The following TMEM170A variants were observed in gnomAD, a reference collection of about 807,000 sequenced individuals.
The protein encoded by TMEM170A is transmembrane protein 170.
TMEM170A carries 18 observed loss-of-function variants against 12.8 expected under a neutral mutation model. The observed-to-expected ratio is 1.41, with a 90% CI of 0.97 to 2.09. The LOEUF (loss-of-function observed/expected upper bound fraction) is 2.09. Among genes scored for constraint, TMEM170A ranks in the 30% most tolerant of loss-of-function variants. TMEM170A has a pLI of 0.00. For missense variants in TMEM170A, 220 were observed against 179.9 expected (o/e 1.22, Z -1.28); for synonymous variants, 107 against 76.2 (o/e 1.40, Z -2.11).
Position 75,447,450 on chromosome 16 carries a change from T to C in TMEM170A, c.*108A>G. 4.0e-6 allele frequency: 5 copies of C among 1,261,568 alleles called. No homozygotes were observed. Among genetic ancestry groups the C allele is most frequent in the East Asian group, 2.6e-5 (1 of 38,004 alleles). 78.1% of individuals were successfully genotyped at this position (1,261,568 alleles called of 1,614,324 possible). On this transcript the variant is annotated 3_prime_UTR_variant, in exon 3 of 3. Coordinates refer to ENST00000561878, the MANE Select transcript of TMEM170A (RefSeq NM_145254.3). ...GTGTTGTCCTTCATGTTCCTGTTCA[T>C]CCAAGTTGCTTCCCTTTGAAGAACT...
At chr16:75,463,018 G>C (rs1233766526) in intron 1 of TMEM170A, among the ~76,000 whole-genome samples, 1 of 152,170 alleles carries the variant, frequency 6.6e-6, no homozygotes, top group Non-Finnish European at 1.5e-5. Flanking sequence ...ATCTAAGTGT[G>C]ATACGTATGT....
In TMEM170A at chr16:75,445,699, CTTTTTTT is replaced by C. The variant is rs80104828; in HGVS notation, c.*1852_*1858del. The C allele has an allele frequency of 7.1e-6, 1 of 140,538 alleles. No individual in the cohort carries two copies. Among genetic ancestry groups the C allele is most frequent in the Non-Finnish European group, 1.6e-5 (1 of 64,160 alleles). The allele number at this position is 140,538 out of a possible 1,614,324, so 8.7% of individuals were successfully genotyped here. ...GCAAATTGGTCCTCCTGACTTTTTT[CTTTTTTT>C]TTTTTTTCCAAATTGGGCAGACTCC... On this transcript the variant is annotated 3_prime_UTR_variant, in exon 3 of 3. Coordinates refer to ENST00000561878, the MANE Select transcript of TMEM170A (RefSeq NM_145254.3).
intron 1 of TMEM170A, among the ~76,000 whole-genome samples, chr16:75,463,152 T>C (rs1383223763): frequency 6.6e-6 from 1 of 152,218 alleles, no homozygotes; most frequent in Non-Finnish European, 1.5e-5. Flanking sequence ...TTTGTTATAC[T>C]GTTCTCTCAA....
At chr16:75,460,596 T>C (rs747886301) in intron 1 of TMEM170A, among the ~76,000 whole-genome samples, 2 of 152,108 alleles carry the variant, frequency 1.3e-5, no homozygotes, top group Non-Finnish European at 2.9e-5. Flanking sequence ...GGCCTCCCCA[T>C]CACTTTACAG....
At chr16:75,449,582 G>C (rs183062205) in intron 2 of TMEM170A, among the ~76,000 whole-genome samples, 3 of 152,298 alleles carry the variant, frequency 2.0e-5, no homozygotes, top group Admixed American at 2.0e-4. Flanking sequence ...GCTTCCCAAA[G>C]TGCTGGGATT....
intron 1 of TMEM170A, among the ~76,000 whole-genome samples, chr16:75,463,493 G>A (rs2079942603): frequency 6.6e-6 from 1 of 152,150 alleles, no homozygotes; most frequent in African/African-American, 2.4e-5. Flanking sequence ...CCGCTGAACG[G>A]CGCCTGGCAG....
chr16:75,454,442 C>A (rs1284064855), intron 1 of TMEM170A, among the ~76,000 whole-genome samples: 1 of 138,088 alleles, frequency 7.2e-6, no homozygotes, highest in Non-Finnish European at 1.6e-5. Context: ...CATAGTGAAA[C>A]CCTGTCTCTC....
At chr16:75,448,944 CT>C (rs2079633071) in intron 2 of TMEM170A, among the ~76,000 whole-genome samples, 1 of 151,728 alleles carries the variant, frequency 6.6e-6, no homozygotes, top group Admixed American at 6.6e-5. Flanking sequence ...GCCTGTAATC[CT>C]AGTTGCTTGG....
At position 75,445,739 on chromosome 16, in the gene TMEM170A, C is replaced by G. The variant is rs1345550851; in HGVS notation, c.*1819G>C. The stretch of plus-strand genomic sequence containing the variant: ...CCAAATTGGGCAGACTCCAGAATCA[C>G]AGTAGATTCAGAGACTCTCCTCCTG... On this transcript the variant is annotated 3_prime_UTR_variant, in exon 3 of 3. Coordinates refer to ENST00000561878, the MANE Select transcript of TMEM170A (RefSeq NM_145254.3). The G allele has an allele frequency of 6.6e-6, 1 of 151,060 alleles. No individual in the cohort carries two copies. Among genetic ancestry groups the G allele is most frequent in the East Asian group, 1.9e-4 (1 of 5,166 alleles). The allele number at this position is 151,060 out of a possible 1,614,324, so 9.4% of individuals were successfully genotyped here.
intron 2 of TMEM170A, 121 bp downstream of exon 2, chr16:75,451,548 T>C (rs2079681477): frequency 1.9e-6 from 2 of 1,045,786 alleles, no homozygotes; most frequent in Non-Finnish European, 2.8e-6. Flanking sequence ...AGACCCTGTC[T>C]GGACTTGCAG....
chr16:75,458,746 T>C (rs959896072), intron 1 of TMEM170A: 1 of 152,212 alleles, frequency 6.6e-6, no homozygotes, highest in East Asian at 1.9e-4. Context: ...ATAGCAGTCA[T>C]AAAAACACTA....
chr16:75,447,805 T>G (rs1040143028), intron 2 of TMEM170A, 117 bp from the exon 3 acceptor site: 2 of 1,194,304 alleles, frequency 1.7e-6, no homozygotes, highest in African/African-American at 3.1e-5. Context: ...TATACTGAAA[T>G]TTAAATCTTA....
At chr16:75,455,119 A>C (rs2079765834) in intron 1 of TMEM170A, among the ~76,000 whole-genome samples, 1 of 152,158 alleles carries the variant, frequency 6.6e-6, no homozygotes, top group African/African-American at 2.4e-5. Flanking sequence ...GCACTCTGGG[A>C]GGCTGAGGCA....
rs1015039630 is a variant in TMEM170A, at chr16:75,444,659, G to C, written c.*2899C>G. 8 of 151,970 alleles carry C rather than the reference G, an allele frequency of 5.3e-5. No homozygotes were observed. Among genetic ancestry groups the C allele is most frequent in the Admixed American group, 2.0e-4 (3 of 15,234 alleles). 9.4% of individuals were successfully genotyped at this position (151,970 alleles called of 1,614,324 possible). ...AAAGCTATTCCTTATGATTCAAATA[G>C]TCTTTCCCTGAAAACATTTCAAGCT... On this transcript the variant is annotated 3_prime_UTR_variant, in exon 3 of 3. Transcript: ENST00000561878.
At chr16:75,449,345 T>G (rs75283574) in intron 2 of TMEM170A, among the ~76,000 whole-genome samples, 8 of 151,718 alleles carry the variant, frequency 5.3e-5, no homozygotes, top group African/African-American at 1.9e-4. Context: ...TTTTTTTTTT[T>G]GAGACAGTGT....
rs2079546785 is a variant in TMEM170A, at chr16:75,444,240, G to A, written c.*3318C>T. The A allele has an allele frequency of 1.3e-5, 2 of 151,792 alleles. No individual in the cohort carries two copies. The highest frequency in any genetic ancestry group is 2.1e-4 in the South Asian group (1 of 4,810). The allele number at this position is 151,792 out of a possible 1,614,324, so 9.4% of individuals were successfully genotyped here. The stretch of plus-strand genomic sequence containing the variant: ...TCCCAGCACTTTGGGAGGTGGAGGC[G>A]GGTCAGGAGATTGAGACCATCCTGG... On this transcript the variant is annotated 3_prime_UTR_variant, in exon 3 of 3. Coordinates refer to ENST00000561878, the MANE Select transcript of TMEM170A (RefSeq NM_145254.3).
At chr16:75,451,526 G>C (rs111920691) in intron 2 of TMEM170A, 143 bp downstream of exon 2, 2 of 818,876 alleles carry the variant, frequency 2.4e-6, no homozygotes, top group African/African-American at 1.7e-5. Context: ...CTCCGGCCTT[G>C]GTGACATAGG....
In TMEM170A at chr16:75,451,960, A is replaced by C. The variant is rs576841543; in HGVS notation, c.134-121T>G. ...ACCGTTTCTTTTTTCCTTTTTTTTG[A>C]AAAATTTTTATTATTTTTAATTTTT... On this transcript the variant is annotated intron_variant, in intron 1 of 2. Coordinates refer to ENST00000561878, the MANE Select transcript of TMEM170A (RefSeq NM_145254.3). 4.3e-6 allele frequency: 4 copies of C among 933,822 alleles called. No homozygotes were observed. In the African/African-American group the frequency reaches 5.0e-5, roughly 12 times the overall value. 57.8% of individuals were successfully genotyped at this position (933,822 alleles called of 1,614,324 possible).
intron 2 of TMEM170A, among the ~76,000 whole-genome samples, chr16:75,448,891 G>C (rs534424094): frequency 1.3e-5 from 2 of 151,916 alleles, no homozygotes; most frequent in African/African-American, 4.8e-5. Flanking sequence ...ACCAAACCTT[G>C]TCTTTACAAA....
Sources: gnomAD v4.1 joint callset for allele counts (sites outside exome capture counted in the v4.1 genomes callset) on GRCh38, gnomAD v4.1.1 for gene constraint, MANE v1.5 for transcripts, NCBI Gene and HGNC (gene_info 2026-07-23, HGNC 2026-07-21) for gene names.